Variants in SLC25A21 observed in about 807,000 individuals in gnomAD.
The protein encoded by SLC25A21 is mitochondrial 2-oxodicarboxylate carrier.
A neutral mutation model predicts 43.8 loss-of-function variants in SLC25A21; 47 were observed. That is an observed-to-expected ratio of 1.07 (90% confidence interval 0.85 to 1.37). The LOEUF is 1.37. Among genes scored for constraint, SLC25A21 ranks in the 40% most tolerant of loss-of-function variants. SLC25A21 has a pLI of 0.00. For missense variants in SLC25A21, 352 were observed against 350.2 expected (o/e 1.00, Z -0.04); for synonymous variants, 131 against 121.3 (o/e 1.08, Z -0.52).
At chr14:36,769,342 A>C (rs1886534475) in intron 3 of SLC25A21, among the ~76,000 whole-genome samples, 1 of 152,200 alleles carries the variant, frequency 6.6e-6, no homozygotes. Context: ...TCCCTTCAAT[A>C]TTCTCACGAA....
At chr14:36,953,157 G>A (rs372904311) in intron 1 of SLC25A21, among the ~76,000 whole-genome samples, 4 of 152,286 alleles carry the variant, frequency 2.6e-5, no homozygotes, top group African/African-American at 9.6e-5. Flanking sequence ...TGTACTATAA[G>A]CTATTACTAA....
chr14:37,125,633 T>C (rs1270722416), intron 1 of SLC25A21, among the ~76,000 whole-genome samples: 3 of 152,204 alleles, frequency 2.0e-5, no homozygotes, highest in Non-Finnish European at 2.9e-5. Flanking sequence ...GGTAGAGGGT[T>C]AAGTGAGAGT....
intron 3 of SLC25A21, among the ~76,000 whole-genome samples, chr14:36,810,202 C>A (rs1407003926): frequency 6.6e-6 from 1 of 152,048 alleles, no homozygotes; most frequent in Non-Finnish European, 1.5e-5. Context: ...GCTCTAGAAG[C>A]AATTATACAT....
intron 3 of SLC25A21, among the ~76,000 whole-genome samples, chr14:36,771,619 G>A (rs2065196): frequency 0.019 from 2,896 of 152,118 alleles, 103 homozygotes; most frequent in African/African-American, 0.066. Flanking sequence ...CTAGAGAAGA[G>A]TTTCTCTCTT....
chr14:37,036,501 A>G (rs1961330388), intron 1 of SLC25A21, among the ~76,000 whole-genome samples: 1 of 152,192 alleles, frequency 6.6e-6, no homozygotes, highest in Non-Finnish European at 1.5e-5. Context: ...AAATCCTAGC[A>G]CTTTGGGAGG....
chr14:36,685,325 A>G (rs1426087330), intron 7 of SLC25A21, among the ~76,000 whole-genome samples: 1 of 152,206 alleles, frequency 6.6e-6, no homozygotes, highest in East Asian at 1.9e-4. Flanking sequence ...TTCCACCATG[A>G]AGCCTACTAA....
At chr14:37,152,619 TG>T (rs1566916873) in intron 1 of SLC25A21, among the ~76,000 whole-genome samples, 1 of 152,150 alleles carries the variant, frequency 6.6e-6, no homozygotes, top group Admixed American at 6.5e-5. Flanking sequence ...AACACAGTTC[TG>T]GAAGTCACCT....
Position 36,729,502 on chromosome 14 carries a change from C to G in SLC25A21, c.330+5G>C. The G allele has an allele frequency of 6.3e-7, 1 of 1,598,216 alleles. No homozygotes were observed. The highest frequency in any genetic ancestry group is 8.5e-7 in the Non-Finnish European group (1 of 1,172,274). ...CATTTAAGTATAATAAATACTCTCA[C>G]TTACCAATGCTGGTGACAGTGACAC... On this transcript the variant is annotated splice_donor_5th_base_variant and intron_variant, in intron 5 of 9. Transcript: ENST00000331299.
chr14:36,941,501 T>C (rs1000198186), intron 1 of SLC25A21, among the ~76,000 whole-genome samples: 44 of 152,026 alleles, frequency 2.9e-4, no homozygotes, highest in African/African-American at 1.0e-3. Context: ...TTGAATCAGA[T>C]AAGTCTCAAC....
At chr14:36,901,844 C>T (rs2138598621) in intron 1 of SLC25A21, among the ~76,000 whole-genome samples, 1 of 152,270 alleles carries the variant, frequency 6.6e-6, no homozygotes, top group Admixed American at 6.5e-5. Context: ...ACTTCCTGTT[C>T]TTCATTCTGA....
chr14:37,153,200 G>T lies in SLC25A21; in HGVS notation c.70+19081C>A, dbSNP rs562002662. On this transcript the variant is annotated intron_variant, in intron 1 of 9. Transcript: ENST00000331299. ...GAAGGGACAGGGCTGCTCCAGGGAG[G>T]GAGCTCCCACACCATTTATAAGACC... Among the ~76,000 whole-genome samples, 21 of 152,278 alleles carry T rather than the reference G, an allele frequency of 1.4e-4. No homozygotes were observed. In the South Asian group the frequency reaches 4.3e-3, roughly 32 times the overall value.
chr14:36,714,702 G>T (rs543436870), intron 6 of SLC25A21, among the ~76,000 whole-genome samples: 35 of 152,336 alleles, frequency 2.3e-4, no homozygotes, highest in African/African-American at 7.5e-4. Flanking sequence ...ATTATCATAC[G>T]TGCTCAGTAC....
intron 1 of SLC25A21, among the ~76,000 whole-genome samples, chr14:37,046,114 C>T (rs968758951): frequency 6.6e-6 from 1 of 152,144 alleles, no homozygotes; most frequent in African/African-American, 2.4e-5. Context: ...GAGCAACTTG[C>T]CCAAAGTCAC....
intron 2 of SLC25A21, among the ~76,000 whole-genome samples, chr14:36,867,275 A>G (rs747486142): frequency 1.3e-5 from 2 of 152,184 alleles, no homozygotes; most frequent in Non-Finnish European, 2.9e-5. Context: ...CAGATTCTAA[A>G]TTCCCACCTT....
chr14:36,755,048 C>A (rs756928356), intron 3 of SLC25A21, among the ~76,000 whole-genome samples: 1 of 151,882 alleles, frequency 6.6e-6, no homozygotes, highest in Admixed American at 6.6e-5. Flanking sequence ...TAAAATCACA[C>A]AAACAATCTA....
chr14:36,964,583 G>T (rs943999633), intron 1 of SLC25A21, among the ~76,000 whole-genome samples: 1 of 152,210 alleles, frequency 6.6e-6, no homozygotes, highest in Non-Finnish European at 1.5e-5. Flanking sequence ...ACTAATGTGC[G>T]TAAAGTTCTT....
chr14:36,754,781 A>G (rs1166560632), intron 3 of SLC25A21, among the ~76,000 whole-genome samples: 1 of 152,204 alleles, frequency 6.6e-6, no homozygotes, highest in Non-Finnish European at 1.5e-5. Context: ...GTTAAATTTA[A>G]TAGGAAATAT....
chr14:36,780,426 T>C (rs995731583), intron 3 of SLC25A21, among the ~76,000 whole-genome samples: 2 of 152,066 alleles, frequency 1.3e-5, no homozygotes, highest in Non-Finnish European at 2.9e-5. Flanking sequence ...GAAGTTAATT[T>C]GTTTAATTGA....
chr14:36,878,766 A>G (rs1422622194), intron 1 of SLC25A21, among the ~76,000 whole-genome samples: 2 of 152,186 alleles, frequency 1.3e-5, no homozygotes, highest in African/African-American at 4.8e-5. Flanking sequence ...TTAATAATCC[A>G]TCCTAATTGC....
Sources: gnomAD v4.1 joint callset for allele counts (sites outside exome capture counted in the v4.1 genomes callset) on GRCh38, gnomAD v4.1.1 for gene constraint, MANE v1.5 for transcripts, NCBI Gene and HGNC (gene_info 2026-07-23, HGNC 2026-07-21) for gene names.